Variants in NPLOC4 observed in about 807,000 individuals in gnomAD.
NPLOC4 encodes nuclear protein localization protein 4 homolog.
A neutral mutation model predicts 80.6 loss-of-function variants in NPLOC4; 18 were observed. The observed-to-expected ratio is 0.22, with a 90% CI of 0.15 to 0.33. The LOEUF (loss-of-function observed/expected upper bound fraction) is 0.33. Ranked by LOEUF, NPLOC4 falls within the 10% of genes least tolerant of loss-of-function variation. NPLOC4 has a pLI of 1.00. For missense variants in NPLOC4, 540 were observed against 786.1 expected, an observed-to-expected ratio of 0.69 and a Z score of 3.74; for synonymous variants, 313 against 301.5, an observed-to-expected ratio of 1.04 and a Z score of -0.39.
chr17:81,567,368 T>G lies in NPLOC4; in HGVS notation c.1566+49A>C, dbSNP rs1055870726. On this transcript the variant is annotated intron_variant, in intron 15 of 16. Coordinates refer to ENST00000331134, the MANE Select transcript of NPLOC4 (RefSeq NM_017921.4). The surrounding 1 kb of genome is among the most constrained non-coding windows in gnomAD (Gnocchi z 4.5). ...AGAAAGCAAGACACAGGCGTCTCTT[T>G]GCAGCCAAAGCCCACTTGCTCAAGT... 17 of 1,153,950 alleles carry G rather than the reference T, an allele frequency of 1.5e-5. No individual in the cohort carries two copies. Among genetic ancestry groups the G allele is most frequent in the Non-Finnish European group, 2.1e-5 (16 of 772,384 alleles). The allele number at this position is 1,153,950 out of a possible 1,614,324, so 71.5% of individuals were successfully genotyped here. A position where few individuals can be genotyped will look rare whatever the true frequency, so the allele number is the denominator to read the frequency against.
At chr17:81,629,840 C>T (rs770841908) in intron 1 of NPLOC4, 35 bp from the exon 2 acceptor site, 1 of 1,479,222 alleles carries the variant, frequency 6.8e-7, no homozygotes, top group Non-Finnish European at 9.4e-7. Context: ...TACTGCACAG[C>T]CTAGTGAGGT....
chr17:81,618,878 T>C (rs1438576368), intron 3 of NPLOC4, among the ~76,000 whole-genome samples: 1 of 152,202 alleles, frequency 6.6e-6, no homozygotes, highest in Non-Finnish European at 1.5e-5. Flanking sequence ...TCTTCTGCCT[T>C]GGGATCCTGT....
chr17:81,575,999 A>G (rs2034287817), intron 12 of NPLOC4, among the ~76,000 whole-genome samples: 1 of 147,620 alleles, frequency 6.8e-6, no homozygotes, highest in African/African-American at 2.5e-5. Context: ...GCCAGCAAAT[A>G]CAAGTGGGTT....
At chr17:81,618,331 C>T (rs2035561603) in intron 3 of NPLOC4, among the ~76,000 whole-genome samples, 1 of 147,736 alleles carries the variant, frequency 6.8e-6, no homozygotes, top group Admixed American at 6.7e-5. Flanking sequence ...ATGTGAGGAG[C>T]GCCTCTGCCT....
At chr17:81,611,803 C>CA (rs1250163877) in intron 4 of NPLOC4, among the ~76,000 whole-genome samples, 1 of 150,048 alleles carries the variant, frequency 6.7e-6, no homozygotes, top group Non-Finnish European at 1.5e-5. Flanking sequence ...ACTAAAAATA[C>CA]AAAAAAATTA....
At chr17:81,565,484 G>C in intron 16 of NPLOC4, 21 bp downstream of exon 16, 1 of 1,533,464 alleles carries the variant, frequency 6.5e-7, no homozygotes, top group Non-Finnish European at 8.8e-7. Flanking sequence ...GGGTGCCGGG[G>C]CAGGGGGTGG....
chr17:81,615,695 CCCT>C (rs2035464263), intron 3 of NPLOC4, among the ~76,000 whole-genome samples: 1 of 152,210 alleles, frequency 6.6e-6, no homozygotes, highest in Non-Finnish European at 1.5e-5. Context: ...ACTTGGGCTT[CCCT>C]GCCCAGAGGG....
Position 81,572,792 on chromosome 17 carries a change from C to CA in NPLOC4, c.1282-705dup, listed in dbSNP as rs1491515787. Among the ~76,000 whole-genome samples, 5 of 152,208 alleles carry CA rather than the reference C, an allele frequency of 3.3e-5. No homozygotes were observed. The highest frequency in any genetic ancestry group is 3.3e-4 in the Admixed American group (5 of 15,282). On this transcript the variant is annotated intron_variant, in intron 12 of 16. Transcript: ENST00000331134. This position sits in a 1 kb window ranked among gnomAD's most constrained non-coding sequence, Gnocchi z 4.5. Reference sequence around the variant, plus strand: ...TATCCTCCAAAAGCACATGAATCCTCACAGTCTGAATGCTAACTCTTAGAA... The same window carrying CA: ...TATCCTCCAAAAGCACATGAATCCTCAACAGTCTGAATGCTAACTCTTAGAA...
chr17:81,595,432 A>G (rs1699218951), intron 11 of NPLOC4, among the ~76,000 whole-genome samples: 1 of 146,704 alleles, frequency 6.8e-6, no homozygotes, highest in Admixed American at 6.9e-5. Flanking sequence ...ACTGTCAAAA[A>G]AAAAAAAAAA....
chr17:81,626,605 A>G (rs1480674038), intron 2 of NPLOC4, among the ~76,000 whole-genome samples: 1 of 152,078 alleles, frequency 6.6e-6, no homozygotes, highest in Non-Finnish European at 1.5e-5. Flanking sequence ...CAGGAGACAG[A>G]GTGGGGAGGA....
chr17:81,565,469 C>T, intron 16 of NPLOC4, 36 bp downstream of exon 16: 1 of 1,507,414 alleles, frequency 6.6e-7, no homozygotes, highest in Non-Finnish European at 8.9e-7. Flanking sequence ...CCGGCCCCAG[C>T]CACGGGGTGC....
chr17:81,559,477 G>A, intron 16 of NPLOC4, 61 bp from the exon 17 acceptor site: 2 of 1,525,392 alleles, frequency 1.3e-6, no homozygotes, highest in Non-Finnish European at 1.8e-6. Flanking sequence ...CTGCCAGAGT[G>A]TGGGCATGGG....
chr17:81,632,157 G>A (rs936455755), intron 1 of NPLOC4, among the ~76,000 whole-genome samples: 2 of 151,046 alleles, frequency 1.3e-5, no homozygotes, highest in African/African-American at 4.9e-5. Context: ...TGTATTTTTA[G>A]TAGAGACGGG....
chr17:81,570,502 C>T (rs2034133473), intron 13 of NPLOC4, among the ~76,000 whole-genome samples: 3 of 152,320 alleles, frequency 2.0e-5, no homozygotes, highest in South Asian at 4.1e-4. Context: ...GTGGGACTGA[C>T]GGGGGCTCTT....
intron 1 of NPLOC4, among the ~76,000 whole-genome samples, chr17:81,634,008 T>C (rs748700437): frequency 2.0e-5 from 3 of 151,330 alleles, no homozygotes; most frequent in Non-Finnish European, 4.4e-5. Flanking sequence ...GGACTACAGG[T>C]GCACGCCACC....
At position 81,615,100 on chromosome 17, in the gene NPLOC4, C is replaced by CT. The variant is rs1555686152; in HGVS notation, c.210-1607dup. On this transcript the variant is annotated intron_variant, in intron 3 of 16. Coordinates refer to ENST00000331134, the MANE Select transcript of NPLOC4 (RefSeq NM_017921.4). ...ATTACCACATCAGAGACGTCTGTTT[C>CT]TTTTTTTTTTTTTTTTTGAGACAGA... is the stretch of plus-strand genomic sequence containing the variant. Among the ~76,000 whole-genome samples, 429 of 133,538 alleles carry CT rather than the reference C, an allele frequency of 3.2e-3. 8 individuals carry two copies. Among genetic ancestry groups the CT allele is most frequent in the Middle Eastern group, 7.6e-3 (2 of 262 alleles). 87.6% of individuals were successfully genotyped at this position (133,538 alleles called of 152,430 possible).
chr17:81,557,316 C>G lies in NPLOC4; in HGVS notation c.*1943G>C, dbSNP rs1477048444. ...CAATAAAATAAAGTGCATTACTGAA[C>G]AAAGAGTAACTCAAAACCAGAATCA... On this transcript the variant is annotated 3_prime_UTR_variant, in exon 17 of 17. Transcript: ENST00000331134. 2.0e-5 allele frequency: 3 copies of G among 152,502 alleles called. No individual in the cohort carries two copies. Among genetic ancestry groups the G allele is most frequent in the Non-Finnish European group, 2.9e-5 (2 of 68,040 alleles). The allele number at this position is 152,502 out of a possible 1,614,324, so 9.4% of individuals were successfully genotyped here.
chr17:81,603,276 C>T (rs1269338125), intron 8 of NPLOC4, among the ~76,000 whole-genome samples: 4 of 152,124 alleles, frequency 2.6e-5, no homozygotes, highest in Admixed American at 1.3e-4. Context: ...TGGAAATGTG[C>T]ACTTTTTTTT....
At chr17:81,601,567 T>A (rs1177138366) in intron 8 of NPLOC4, among the ~76,000 whole-genome samples, 1 of 152,170 alleles carries the variant, frequency 6.6e-6, no homozygotes, top group Non-Finnish European at 1.5e-5. Context: ...TCAATTATAC[T>A]TTTAATAGAA....
Sources: gnomAD v4.1 joint callset for allele counts (sites outside exome capture counted in the v4.1 genomes callset) on GRCh38, gnomAD v4.1.1 for gene constraint, Gnocchi (gnomAD v3.1) non-coding constraint, MANE v1.5 for transcripts, NCBI Gene and HGNC (gene_info 2026-07-23, HGNC 2026-07-21) for gene names.